The following PAX5 variants were observed in gnomAD, a reference collection of about 807,000 sequenced individuals.
PAX5 encodes the protein paired box 5.
In PAX5, 9 loss-of-function variants were observed where a neutral mutation model predicts 43.7. That is an observed-to-expected ratio of 0.21 (90% CI 0.12 to 0.36). The LOEUF (loss-of-function observed/expected upper bound fraction) is 0.36, where lower values mean the gene tolerates loss of function less well. PAX5 is among the 10% of genes least tolerant of loss of function. The pLI, the probability that PAX5 is intolerant of heterozygous loss-of-function variation, is 1.00. For missense variants in PAX5, 383 were observed against 532.7 expected (o/e 0.72, Z 2.77); for synonymous variants, 228 against 214.3 (o/e 1.06, Z -0.56).
Position 36,840,476 on chromosome 9 carries a change from C to T in PAX5, c.*84G>A, listed in dbSNP as rs1488136850. The T allele has an allele frequency of 7.5e-7, 1 of 1,333,880 alleles. No homozygotes were observed. Among genetic ancestry groups the T allele is most frequent in the Non-Finnish European group, 1.0e-6 (1 of 955,106 alleles). The allele number at this position is 1,333,880 out of a possible 1,614,324, so 82.6% of individuals were successfully genotyped here. ...GGATGCTGGGGGACGGTCTCATGGG[C>T]TCTCTGGCTATCTTCAGGAGGGCTG... is the stretch of plus-strand genomic sequence containing the variant. On this transcript the variant is annotated 3_prime_UTR_variant, in exon 10 of 10. Transcript: ENST00000358127.
chr9:37,021,418 A>G (rs1839847620), intron 1 of PAX5, among the ~76,000 whole-genome samples: 1 of 152,210 alleles, frequency 6.6e-6, no homozygotes, highest in South Asian at 2.1e-4. Flanking sequence ...TGACATGCAG[A>G]CTTGACCACT....
rs958635715 is a variant in PAX5 at position 36,838,228 on chromosome 9, C to T, written c.*2332G>A. The T allele has an allele frequency of 5.6e-5, 13 of 233,112 alleles. No individual in the cohort carries two copies. The highest frequency in any genetic ancestry group is 2.6e-4 in the African/African-American group (12 of 45,314). The allele number at this position is 233,112 out of a possible 1,614,324, so 14.4% of individuals were successfully genotyped here. A position where few individuals can be genotyped will look rare whatever the true frequency, so the allele number is the denominator to read the frequency against. ...ATGTGCCTGCTGTGAGCTCGCTGGGCTCCATCCCTGGCCTGGGTGACCAGG... is the reference window on the plus strand; with the variant it reads ...ATGTGCCTGCTGTGAGCTCGCTGGGTTCCATCCCTGGCCTGGGTGACCAGG... On this transcript the variant is annotated 3_prime_UTR_variant, in exon 10 of 10. Coordinates refer to ENST00000358127, the MANE Select transcript of PAX5 (RefSeq NM_016734.3).
At chr9:36,961,629 GC>G (rs1564013273) in intron 6 of PAX5, among the ~76,000 whole-genome samples, 1 of 152,232 alleles carries the variant, frequency 6.6e-6, no homozygotes, top group Non-Finnish European at 1.5e-5. Context: ...AGGCTCAAAA[GC>G]CAGATTAATA....
chr9:36,854,221 G>C (rs760581166), intron 8 of PAX5, among the ~76,000 whole-genome samples: 3 of 152,200 alleles, frequency 2.0e-5, no homozygotes, highest in African/African-American at 7.2e-5. Flanking sequence ...AGGGATCGGC[G>C]GCTACCCGGG....
At chr9:36,866,105 C>A (rs185482188) in intron 8 of PAX5, among the ~76,000 whole-genome samples, 72 of 152,356 alleles carry the variant, frequency 4.7e-4, no homozygotes, top group Non-Finnish European at 8.7e-4. Flanking sequence ...GGGAATAAAT[C>A]ATCAATTATG....
intron 6 of PAX5, among the ~76,000 whole-genome samples, chr9:36,924,474 C>G (rs1015147337): frequency 6.6e-6 from 1 of 152,126 alleles, no homozygotes; most frequent in Non-Finnish European, 1.5e-5. Flanking sequence ...CATTCCAACA[C>G]TTTGGGAGGC....
chr9:36,989,920 A>C (rs145523753), intron 5 of PAX5, among the ~76,000 whole-genome samples: 2 of 152,186 alleles, frequency 1.3e-5, no homozygotes, highest in East Asian at 3.8e-4. Context: ...TCCTGCCTTC[A>C]TGGAGCTCAC....
rs374817356 is a variant in PAX5 at position 36,838,196 on chromosome 9, G to T, written c.*2364C>A. 3.5e-3 allele frequency: 808 copies of T among 233,416 alleles called. 6 individuals carry two copies. The highest frequency in any genetic ancestry group is 7.1e-3 in the South Asian group (39 of 5,524). The allele number at this position is 233,416 out of a possible 1,614,324, so 14.5% of individuals were successfully genotyped here. A position where few individuals can be genotyped will look rare whatever the true frequency, so the allele number is the denominator to read the frequency against. On this transcript the variant is annotated 3_prime_UTR_variant, in exon 10 of 10. Transcript: ENST00000358127. Reference sequence around the variant, plus strand: ...GCCCCGCAGGTTCTGGGTGGGGGCGGGGGTGCATGTGCCTGCTGTGAGCTC... The same window carrying T: ...GCCCCGCAGGTTCTGGGTGGGGGCGTGGGTGCATGTGCCTGCTGTGAGCTC...
rs144727929 is a variant in PAX5, at chr9:36,961,902, A to G, written c.780+4647T>C. On this transcript the variant is annotated intron_variant, in intron 6 of 9. Transcript: ENST00000358127. ...CTCCAACGTGATTTTTACTCACTCC[A>G]TATGTAGGGAAAACAGAATTGCTTT... 2.3e-3 allele frequency among the ~76,000 whole-genome samples: 343 copies of G among 152,318 alleles called. 12 individuals carry two copies. The highest frequency in any genetic ancestry group is 6.8e-3 in the Middle Eastern group (2 of 294).
At position 36,838,491 on chromosome 9, in the gene PAX5, G is replaced by A. The variant is rs1033728062; in HGVS notation, c.*2069C>T. On this transcript the variant is annotated 3_prime_UTR_variant, in exon 10 of 10. Transcript: ENST00000358127. ...TCTTCTGTTCCACCACCCTGTGGGG[G>A]ACTTAGGGAACAAAATACTTAGCGG... The A allele has an allele frequency of 2.8e-4, 66 of 232,804 alleles. No individual in the cohort carries two copies. The highest frequency in any genetic ancestry group is 4.2e-4 in the Non-Finnish European group (50 of 117,852). 14.4% of individuals were successfully genotyped at this position (232,804 alleles called of 1,614,324 possible).
rs1841304639 is a variant in PAX5, at chr9:37,034,105, T to TC, written c.-75_-74insG. 6.9e-6 allele frequency: 5 copies of TC among 726,170 alleles called. No individual in the cohort carries two copies. The highest frequency in any genetic ancestry group is 8.6e-6 in the Non-Finnish European group (4 of 463,004). The allele number at this position is 726,170 out of a possible 1,614,324, so 45.0% of individuals were successfully genotyped here. Reference sequence around the variant, plus strand: ...TTTTGTGCCTTTTTTTTTCTTTTTTTTTTTTTTTTTTTTTTTTTTTTGGTG... The same window carrying TC: ...TTTTGTGCCTTTTTTTTTCTTTTTTTCTTTTTTTTTTTTTTTTTTTTTGGTG... On this transcript the variant is annotated 5_prime_UTR_variant, in exon 1 of 10. Transcript: ENST00000358127.
intron 3 of PAX5, among the ~76,000 whole-genome samples, chr9:37,013,320 C>A (rs574845325): frequency 8.5e-4 from 129 of 152,256 alleles, no homozygotes; most frequent in African/African-American, 3.0e-3. Flanking sequence ...TTTTGCCTGG[C>A]CTGCTTCCCT....
At chr9:36,929,231 GAAGGAGGAAGGAAGGAAGGAAGGA>G (rs1465058130) in intron 6 of PAX5, among the ~76,000 whole-genome samples, 1 of 143,704 alleles carries the variant, frequency 7.0e-6, no homozygotes, top group Non-Finnish European at 1.5e-5. Flanking sequence ...AAGAAGGAAG[GAAGGAGGAAGGAAGGAAGGAAGGA>G]AGGAAGGAAG....
chr9:37,009,773 C>A (rs1217962636), intron 3 of PAX5, among the ~76,000 whole-genome samples: 1 of 141,634 alleles, frequency 7.1e-6, no homozygotes, highest in East Asian at 2.1e-4. Context: ...CATACCTGTA[C>A]CAAAATATCT....
Position 37,031,799 on chromosome 9 carries a change from G to A in PAX5, c.46+2187C>T, listed in dbSNP as rs547423544. ...CTTATTTTGGGCTTAGAGCCAGAAG[G>A]ACACACTCCCTCCCCATTGGGCAGA... On this transcript the variant is annotated intron_variant, in intron 1 of 9. Transcript: ENST00000358127. Among the ~76,000 whole-genome samples the A allele has an allele frequency of 2.6e-5, 4 of 152,260 alleles. No homozygotes were observed. The East Asian group carries it at 7.7e-4, about 29-fold the overall frequency.
rs146235634 is a variant in PAX5 at position 36,898,240 on chromosome 9, C to A, written c.911-16135G>T. On this transcript the variant is annotated intron_variant, in intron 7 of 9. Coordinates refer to ENST00000358127, the MANE Select transcript of PAX5 (RefSeq NM_016734.3). The stretch of plus-strand genomic sequence containing the variant: ...AGCACGAGCTTTAGTTTTAAAGTTC[C>A]ACAGGCCAGTGCTTGCCAGCCCAGC... Among the ~76,000 whole-genome samples, 431 of 152,316 alleles carry A rather than the reference C, an allele frequency of 2.8e-3. 4 individuals are homozygous for A. Among genetic ancestry groups the A allele is most frequent in the African/African-American group, 9.8e-3 (407 of 41,562 alleles).
intron 8 of PAX5, among the ~76,000 whole-genome samples, chr9:36,849,813 C>T (rs372833079): frequency 9.8e-5 from 15 of 152,326 alleles, no homozygotes; most frequent in African/African-American, 3.4e-4. Flanking sequence ...GAGAGCAATA[C>T]GCTCTGGGTA....
intron 5 of PAX5, among the ~76,000 whole-genome samples, chr9:36,972,884 C>T (rs1369048748): frequency 6.6e-6 from 1 of 151,716 alleles, no homozygotes; most frequent in Non-Finnish European, 1.5e-5. Context: ...AAAAATTAGC[C>T]AGGCGTGGTG....
intron 6 of PAX5, among the ~76,000 whole-genome samples, chr9:36,938,419 T>A (rs1831745724): frequency 6.6e-6 from 1 of 152,148 alleles, no homozygotes; most frequent in South Asian, 2.1e-4. Flanking sequence ...TAATTTAGAC[T>A]CCTGATTTTA....
Sources: allele counts gnomAD v4.1 joint callset (sites outside exome capture counted in the v4.1 genomes callset), GRCh38; gene constraint gnomAD v4.1.1; transcripts MANE v1.5; gene names NCBI Gene and HGNC (gene_info 2026-07-23, HGNC 2026-07-21).